The following FRMD4B variants were observed in gnomAD, a reference collection of about 807,000 sequenced individuals.
FRMD4B encodes the protein FERM domain containing 4B.
In FRMD4B, 74 loss-of-function variants were observed where a neutral mutation model predicts 141.5. The ratio of observed to expected loss-of-function variants is 0.52; its 90% CI spans 0.43 to 0.63. The LOEUF (loss-of-function observed/expected upper bound fraction) is 0.63, where lower values mean the gene tolerates loss of function less well. Ranked by LOEUF, FRMD4B falls within the 30% of genes least tolerant of loss-of-function variation. FRMD4B has a pLI of 0.00. For missense variants in FRMD4B, 1,366 were observed against 1,253.4 expected (o/e 1.09, Z -1.36); for synonymous variants, 506 against 467.9 (o/e 1.08, Z -1.05).
intron 3 of FRMD4B, among the ~76,000 whole-genome samples, chr3:69,307,904 C>A (rs1701446421): frequency 2.0e-5 from 3 of 152,190 alleles, no homozygotes; most frequent in Admixed American, 6.5e-5. Flanking sequence ...CACCTATGAT[C>A]TTGTCCCCAC....
At chr3:69,313,011 C>A (rs375881783) in intron 2 of FRMD4B, among the ~76,000 whole-genome samples, 18 of 152,314 alleles carry the variant, frequency 1.2e-4, no homozygotes, top group African/African-American at 4.3e-4. Flanking sequence ...GAAGCCTAGG[C>A]AGTTCACAGC....
At position 69,420,573 on chromosome 3, in the gene FRMD4B, T is replaced by A. The variant is rs142838702; in HGVS notation, c.-1+12061A>T. 3.0e-3 allele frequency among the ~76,000 whole-genome samples: 452 copies of A among 152,178 alleles called. 2 individuals carry two copies. The highest frequency in any genetic ancestry group is 4.8e-3 in the Non-Finnish European group (326 of 67,990). On this transcript the variant is annotated intron_variant, in intron 2 of 5. Coordinates refer to the FRMD4B transcript ENST00000459638. ...AAACCCCCTATTTCTGAATTAGAGA[T>A]GTTCGGGTTTCAAATGGGTCAAGAT...
At chr3:69,182,574 G>T (rs2092718645) in intron 20 of FRMD4B, 24 bp downstream of exon 20, 1 of 1,585,378 alleles carries the variant, frequency 6.3e-7, no homozygotes, top group East Asian at 2.2e-5. Context: ...GACAGCTAAA[G>T]CAATGAGAAA....
upstream of FRMD4B, chr3:69,386,355 G>C (rs1309094471): frequency 2.1e-5 from 4 of 192,830 alleles, no homozygotes; most frequent in African/African-American, 7.0e-5. Context: ...GGCAGGGACG[G>C]AAGCGGAGCA....
intron 1 of FRMD4B, among the ~76,000 whole-genome samples, chr3:69,528,668 T>C (rs895111547): frequency 5.3e-5 from 8 of 152,176 alleles, no homozygotes; most frequent in Non-Finnish European, 1.2e-4. Flanking sequence ...ACCCAGCCTA[T>C]GGTTTTCTTA....
chr3:69,267,264 C>A (rs560251156), intron 5 of FRMD4B, among the ~76,000 whole-genome samples: 3 of 152,060 alleles, frequency 2.0e-5, no homozygotes, highest in Admixed American at 2.0e-4. Context: ...TCAGAAATAC[C>A]AGTGTAATAC....
At chr3:69,458,012 C>T (rs535109216) in intron 1 of FRMD4B, among the ~76,000 whole-genome samples, 11 of 152,256 alleles carry the variant, frequency 7.2e-5, no homozygotes, top group Admixed American at 2.6e-4. Context: ...GGCTTTTCTC[C>T]CTCTCTTGTT....
chr3:69,410,750 T>A (rs1172869047), intron 2 of FRMD4B, among the ~76,000 whole-genome samples: 848 of 23,628 alleles, frequency 0.036, 34 homozygotes, highest in African/African-American at 0.09. Flanking sequence ...TATATATATA[T>A]ATATATATAT....
chr3:69,248,244 T>TACACAC (rs147851519), intron 7 of FRMD4B, among the ~76,000 whole-genome samples: 1,856 of 150,774 alleles, frequency 0.012, 35 homozygotes, highest in African/African-American at 0.041. Context: ...AAAATGTAAA[T>TACACAC]ACACACACAC....
intron 1 of FRMD4B, among the ~76,000 whole-genome samples, chr3:69,531,898 T>C (rs1050115480): frequency 3.3e-5 from 5 of 152,242 alleles, no homozygotes; most frequent in Non-Finnish European, 7.3e-5. Context: ...TCTAGTAAAC[T>C]GGATGCCCCA....
At chr3:69,267,733 A>G (rs1207940572) in intron 5 of FRMD4B, among the ~76,000 whole-genome samples, 1 of 148,600 alleles carries the variant, frequency 6.7e-6, no homozygotes, top group Non-Finnish European at 1.5e-5. Context: ...CCCGGGTTCA[A>G]GTGATTCTTG....
chr3:69,384,759 G>A (rs941154651), intron 1 of FRMD4B, among the ~76,000 whole-genome samples: 4 of 152,154 alleles, frequency 2.6e-5, no homozygotes, highest in African/African-American at 9.7e-5. Context: ...ACTTCCACAG[G>A]CTAACCTTAG....
intron 1 of FRMD4B, among the ~76,000 whole-genome samples, chr3:69,451,613 C>T (rs1705500025): frequency 6.6e-6 from 1 of 152,214 alleles, no homozygotes; most frequent in African/African-American, 2.4e-5. Context: ...AAAGCTGAGA[C>T]TAGCAACCAT....
At position 69,301,514 on chromosome 3, in the gene FRMD4B, G is replaced by A. The variant is rs376775904; in HGVS notation, c.416+829C>T. 4.0e-4 allele frequency among the ~76,000 whole-genome samples: 61 copies of A among 152,102 alleles called. No individual in the cohort carries two copies. In the South Asian group the frequency reaches 4.4e-3, roughly 11 times the overall value. On this transcript the variant is annotated intron_variant, in intron 4 of 22. Coordinates refer to ENST00000398540, the MANE Select transcript of FRMD4B (RefSeq NM_015123.3). Reference sequence around the variant, plus strand: ...TAATTTTTTTTGTGTATTTTTAGTAGAGATGAGGTTTTGCCATGTTGGCCA... The same window carrying A: ...TAATTTTTTTTGTGTATTTTTAGTAAAGATGAGGTTTTGCCATGTTGGCCA...
chr3:69,471,234 C>T (rs144847502), intron 1 of FRMD4B, among the ~76,000 whole-genome samples: 7 of 152,262 alleles, frequency 4.6e-5, no homozygotes, highest in African/African-American at 1.2e-4. Context: ...AAGTCCCAGC[C>T]TCATTCCTTG....
At chr3:69,515,797 T>C (rs1390451176) in intron 1 of FRMD4B, among the ~76,000 whole-genome samples, 1 of 152,192 alleles carries the variant, frequency 6.6e-6, no homozygotes, top group Non-Finnish European at 1.5e-5. Context: ...ATGGAAAATA[T>C]AACGCCGAAA....
At chr3:69,491,940 C>T (rs1445675201) in intron 1 of FRMD4B, among the ~76,000 whole-genome samples, 2 of 152,172 alleles carry the variant, frequency 1.3e-5, no homozygotes, top group South Asian at 2.1e-4. Context: ...CTCAAACAAC[C>T]GGAGATCAGA....
chr3:69,281,594 G>T (rs1196116672), intron 5 of FRMD4B, among the ~76,000 whole-genome samples: 2 of 152,000 alleles, frequency 1.3e-5, no homozygotes, highest in African/African-American at 4.8e-5. Flanking sequence ...GGGAGGCTGA[G>T]GCGGGTGGAT....
rs527465963 is a variant in FRMD4B, at chr3:69,301,423, C to A, written c.416+920G>T. On this transcript the variant is annotated intron_variant, in intron 4 of 22. Coordinates refer to ENST00000398540, the MANE Select transcript of FRMD4B (RefSeq NM_015123.3). ...TCACTGCAACCTCTGCCTCTGGGTT[C>A]AAGCGATCCTTATGCCTCAGCCTCA... 2.0e-5 allele frequency among the ~76,000 whole-genome samples: 3 copies of A among 152,242 alleles called. No individual in the cohort carries two copies. The South Asian group carries it at 6.2e-4, about 32-fold the overall frequency.
Sources: gnomAD v4.1 joint callset for allele counts (sites outside exome capture counted in the v4.1 genomes callset) on GRCh38, gnomAD v4.1.1 for gene constraint, MANE v1.5 for transcripts, NCBI Gene and HGNC (gene_info 2026-07-23, HGNC 2026-07-21) for gene names.